Variants in MVD observed in about 807,000 individuals in gnomAD.
MVD encodes the protein diphosphomevalonate decarboxylase.
A neutral mutation model predicts 42.4 loss-of-function variants in MVD; 52 were observed. The ratio of observed to expected loss-of-function variants is 1.23; its 90% confidence interval spans 0.98 to 1.55. MVD has a LOEUF of 1.55. Ranked by LOEUF, MVD falls within the 40% of genes most tolerant of loss-of-function variation. The probability of loss-of-function intolerance (pLI) is 0.00; values close to 1 mark genes in which losing one functional copy is unlikely to be tolerated. For synonymous variants in MVD, 287 were observed against 243.2 expected (o/e 1.18, Z -1.68); for missense variants, 663 against 572.1 (o/e 1.16, Z -1.62).
intron 1 of MVD, among the ~76,000 whole-genome samples, chr16:88,660,161 A>G (rs974717435): frequency 1.1e-4 from 16 of 151,900 alleles, no homozygotes; most frequent in African/African-American, 3.6e-4. Flanking sequence ...CCAAGCAGAC[A>G]CTCAGGAATT....
At chr16:88,658,593 G>A (rs1908088471) in intron 2 of MVD, 57 bp downstream of exon 2, 1 of 1,555,740 alleles carries the variant, frequency 6.4e-7, no homozygotes, top group Non-Finnish European at 8.8e-7. Flanking sequence ...GGTACCAACT[G>A]TTCTACAAAT....
chr16:88,655,951 T>C (rs1243136102), intron 5 of MVD, 154 bp downstream of exon 5: 5 of 1,206,720 alleles, frequency 4.1e-6, no homozygotes, highest in Admixed American at 2.5e-5. Context: ...GAGCGGTTCC[T>C]GAGCACTCAA....
chr16:88,652,309 G>C lies in MVD; in HGVS notation c.*216C>G. 2 of 617,472 alleles carry C rather than the reference G, an allele frequency of 3.2e-6. No homozygotes were observed. The highest frequency in any genetic ancestry group is 5.8e-6 in the Non-Finnish European group (2 of 343,206). 38.2% of individuals were successfully genotyped at this position (617,472 alleles called of 1,614,324 possible). On this transcript the variant is annotated 3_prime_UTR_variant, in exon 10 of 10. Transcript: ENST00000301012. Reference sequence around the variant, plus strand: ...CCCATCCCATCTTGGCAAAGCGCTGGTGCAGCTTAGGGCAGCTGAAGCACT... The same window carrying C: ...CCCATCCCATCTTGGCAAAGCGCTGCTGCAGCTTAGGGCAGCTGAAGCACT...
intron 4 of MVD, chr16:88,657,137 G>T (rs565276878): frequency 1.7e-6 from 1 of 601,934 alleles, no homozygotes; most frequent in African/African-American, 1.8e-5. Context: ...AGATGGGGGG[G>T]GGTCTCACTA....
chr16:88,656,942 C>G (rs1053548392), intron 4 of MVD: 34 of 327,154 alleles, frequency 1.0e-4, no homozygotes, highest in South Asian at 6.6e-4. Flanking sequence ...AGCAAGTGGC[C>G]TGGGGCCAGC....
At chr16:88,662,878 T>C in intron 1 of MVD, 133 bp downstream of exon 1, 1 of 1,469,044 alleles carries the variant, frequency 6.8e-7, no homozygotes. Context: ...CGCCCCTCCC[T>C]GAGCCTCAGT....
chr16:88,653,507 G>A (rs1400093819), intron 8 of MVD, 99 bp from the exon 9 acceptor site: 1 of 991,314 alleles, frequency 1.0e-6, no homozygotes, highest in Non-Finnish European at 1.5e-6. Context: ...GTGCATTCCT[G>A]GCCGTCAGGG....
At chr16:88,655,966 G>A (rs1436991013) in intron 5 of MVD, 139 bp downstream of exon 5, 9 of 1,266,572 alleles carry the variant, frequency 7.1e-6, no homozygotes, top group South Asian at 2.9e-5. Context: ...ACTCAACCAC[G>A]CTTCTGTTCC....
In MVD at chr16:88,657,985, C is replaced by T; in HGVS notation, c.186G>A (p.Glu62=). 6.2e-7 allele frequency: 1 copy of T among 1,614,068 alleles called. No individual in the cohort carries two copies. ...TTAVISKDFT[E]DRIWLNGREE... ...CCCGGCCATTCAGCCAAATCCGGTCCTCGGTGAAGTCCTTGCTGATGACGG... is the reference window on the plus strand; with the variant it reads ...CCCGGCCATTCAGCCAAATCCGGTCTTCGGTGAAGTCCTTGCTGATGACGG... Residue 62 remains glutamate (E), a synonymous_variant, in exon 3 of 10, where the codon GAG becomes GAA. Coordinates refer to ENST00000301012, the MANE Select transcript of MVD (RefSeq NM_002461.3).
chr16:88,653,794 C>T (rs943823291), intron 8 of MVD, among the ~76,000 whole-genome samples: 3 of 152,242 alleles, frequency 2.0e-5, no homozygotes, highest in African/African-American at 7.2e-5. Flanking sequence ...GTGCGTTCGT[C>T]ACCGTGTTCT....
At chr16:88,658,796 A>AC in intron 1 of MVD, 76 bp from the exon 2 acceptor site, 1 of 875,178 alleles carries the variant, frequency 1.1e-6, no homozygotes, top group Non-Finnish European at 1.5e-6. Flanking sequence ...AGGTGCCCCC[A>AC]CCCCCCACCC....
chr16:88,659,945 TCCAGCCTGGCA>T (rs895693272), intron 1 of MVD, among the ~76,000 whole-genome samples: 1 of 145,462 alleles, frequency 6.9e-6, no homozygotes, highest in Non-Finnish European at 1.5e-5. Context: ...CCAGCCTTAC[TCCAGCCTGGCA>T]ACAGAGGGAG....
intron 1 of MVD, chr16:88,659,357 C>G (rs759256436): frequency 6.4e-6 from 1 of 155,904 alleles, no homozygotes; most frequent in Admixed American, 6.2e-5. Context: ...CTGCAGCTCG[C>G]GAGGCTCTTT....
chr16:88,655,205 G>C lies in MVD; in HGVS notation c.891C>G (p.Asp297Glu). 1 of 1,560,782 alleles carries C rather than the reference G, an allele frequency of 6.4e-7. No homozygotes were observed. The highest frequency in any genetic ancestry group is 8.7e-7 in the Non-Finnish European group (1 of 1,152,420). ...CCCTCCCGGCCCGCGTCACCTTGGTGTCCCCGTGGTGGGCGTTGAAGCGGT... is the reference window on the plus strand; with the variant it reads ...CCCTCCCGGCCCGCGTCACCTTGGTCTCCCCGTGGTGGGCGTTGAAGCGGT... ...LVHRFNAHHGDTKVAYTFDAG... is the reference protein window; with the variant it reads ...LVHRFNAHHGETKVAYTFDAG... The change falls in exon 7 of 10, where the codon GAC becomes GAG. Residue 297 changes from aspartate to glutamate, a missense_variant. Physicochemically the swap from Asp to Glu is conservative, Grantham distance 45 (BLOSUM62 2). Coordinates refer to ENST00000301012, the MANE Select transcript of MVD (RefSeq NM_002461.3).
chr16:88,655,657 C>A lies in MVD; in HGVS notation c.677G>T (p.Arg226Leu), dbSNP rs373594765. The part of the protein sequence containing the change: ...RASVETSPLL[R>L]FRAESVVPAR... ...GGGACCACCCGCTCCTGGCCTTACC[C>A]GAAGCAGGGGGCTGGTCTCCACACT... The change falls in exon 6 of 10, where the codon CGG becomes CTG. Residue 226 changes from arginine to leucine, a missense_variant and splice_region_variant. Arg to Leu is a moderately radical substitution (Grantham distance 102). Coordinates refer to ENST00000301012, the MANE Select transcript of MVD (RefSeq NM_002461.3). The A allele has an allele frequency of 5.3e-5, 82 of 1,552,682 alleles. 1 individual carries two copies. Among genetic ancestry groups the A allele is most frequent in the Non-Finnish European group, 2.3e-5 (26 of 1,148,470 alleles).
At chr16:88,655,124 C>T in intron 7 of MVD, 75 bp downstream of exon 7, 2 of 1,494,248 alleles carry the variant, frequency 1.3e-6, no homozygotes, top group Non-Finnish European at 1.8e-6. Flanking sequence ...AGCCCCGGGG[C>T]CGTCTCCACG....
At position 88,657,433 on chromosome 16, in the gene MVD, C is replaced by G. The variant is rs761861285; in HGVS notation, c.403+3G>C. ...ACCCCTGCGGGTCTCTGTGGGCACC[C>G]ACCTAGGCAGGCATAGCCCGCCGCT... On this transcript the variant is annotated splice_donor_region_variant and intron_variant, in intron 4 of 9. Transcript: ENST00000301012. 6.3e-7 allele frequency: 1 copy of G among 1,598,328 alleles called. No individual in the cohort carries two copies. Among genetic ancestry groups the G allele is most frequent in the Non-Finnish European group, 8.5e-7 (1 of 1,173,492 alleles).
At chr16:88,662,955 G>T in intron 1 of MVD, 56 bp downstream of exon 1, 1 of 1,561,086 alleles carries the variant, frequency 6.4e-7, no homozygotes. Context: ...CGCGACCCCC[G>T]CGTACCCGGC....
intron 4 of MVD, chr16:88,657,169 A>G (rs1597380181): frequency 1.5e-6 from 1 of 654,860 alleles, no homozygotes; most frequent in Non-Finnish European, 2.8e-6. Context: ...CTGGTCTTGA[A>G]CTCCTGGCCT....
Sources: gnomAD v4.1 joint callset for allele counts (sites outside exome capture counted in the v4.1 genomes callset) on GRCh38, gnomAD v4.1.1 for gene constraint, MANE v1.5 for transcripts, NCBI Gene and HGNC (gene_info 2026-07-23, HGNC 2026-07-21) for gene names.